Variants in CSMD2 observed in about 807,000 individuals in gnomAD.
CSMD2 encodes the protein CUB and sushi domain-containing protein 2.
In CSMD2, 130 loss-of-function variants were observed where a neutral mutation model predicts 398.5. The ratio of observed to expected loss-of-function variants is 0.33; its 90% CI spans 0.28 to 0.38. The LOEUF (loss-of-function observed/expected upper bound fraction) is 0.38. Among genes scored for constraint, CSMD2 ranks in the 10% least tolerant of loss-of-function variants. The pLI, the probability that CSMD2 is intolerant of heterozygous loss-of-function variation, is 1.00. For missense variants in CSMD2, 3,829 were observed against 4,764.9 expected (o/e 0.80, Z 5.78); for synonymous variants, 1,828 against 1,908.5 (o/e 0.96, Z 1.10).
chr1:34,113,996 A>T (rs1338428336), intron 1 of CSMD2, among the ~76,000 whole-genome samples: 3 of 151,982 alleles, frequency 2.0e-5, no homozygotes, highest in Admixed American at 6.5e-5. Flanking sequence ...CCTGACAGAA[A>T]CCAGAGTGCT....
rs1177320523 is a variant in CSMD2 at position 34,076,928 on chromosome 1, AATATATATATAT to A, written c.404+12037_404+12048del. The stretch of plus-strand genomic sequence containing the variant: ...GCAAAGCAAAAAAAAAAAAAAAAAA[AATATATATATAT>A]ATATATATATATATATAGAAGGCTT... On this transcript the variant is annotated intron_variant, in intron 2 of 70. Coordinates refer to ENST00000373381, the MANE Select transcript of CSMD2 (RefSeq NM_001281956.2). 1.1e-3 allele frequency among the ~76,000 whole-genome samples: 60 copies of A among 53,570 alleles called. 1 individual carries two copies. The highest frequency in any genetic ancestry group is 4.6e-3 in the African/African-American group (53 of 11,562). 35.1% of individuals were successfully genotyped at this position (53,570 alleles called of 152,430 possible).
chr1:33,932,952 A>C (rs1644359412), intron 4 of CSMD2, among the ~76,000 whole-genome samples: 1 of 152,186 alleles, frequency 6.6e-6, no homozygotes, highest in South Asian at 2.1e-4. Flanking sequence ...GAGAAAGAAG[A>C]GAGGGTACAA....
intron 42 of CSMD2, 22 bp from the exon 43 acceptor site, chr1:33,602,568 CG>C: frequency 6.4e-7 from 1 of 1,566,088 alleles, no homozygotes; most frequent in Non-Finnish European, 8.7e-7. Flanking sequence ...GGAACACAAA[CG>C]TAAGTGCAGG....
chr1:33,659,836 C>T lies in CSMD2; in HGVS notation c.4256-1699G>A, dbSNP rs532270225. On this transcript the variant is annotated intron_variant, in intron 26 of 70. Transcript: ENST00000373381. The stretch of plus-strand genomic sequence containing the variant: ...GAAGCATACAGCAAACTATGGCCCA[C>T]GGCCATATCTGGGCCTATGCCTATT... Among the ~76,000 whole-genome samples, 26 of 152,364 alleles carry T rather than the reference C, an allele frequency of 1.7e-4. 1 individual carries two copies. The South Asian group carries it at 2.9e-3, about 17-fold the overall frequency.
chr1:33,611,969 G>A (rs951716987), intron 40 of CSMD2, among the ~76,000 whole-genome samples: 3 of 152,170 alleles, frequency 2.0e-5, no homozygotes, highest in African/African-American at 7.2e-5. Context: ...AGCCCATATT[G>A]CATTGATAAT....
At chr1:34,121,449 T>C (rs1380281450) in intron 1 of CSMD2, among the ~76,000 whole-genome samples, 1 of 152,212 alleles carries the variant, frequency 6.6e-6, no homozygotes, top group African/African-American at 2.4e-5. Context: ...CAAGAGACTC[T>C]ACCTGTTAGA....
At chr1:33,785,369 A>AT (rs1172110683) in intron 12 of CSMD2, among the ~76,000 whole-genome samples, 1 of 152,194 alleles carries the variant, frequency 6.6e-6, no homozygotes, top group Non-Finnish European at 1.5e-5. Flanking sequence ...AAATTATGTA[A>AT]CCTTGGGAGG....
In CSMD2 at chr1:33,725,085, A is replaced by G. The variant is rs12726670; in HGVS notation, c.2695+264T>C. 9.4e-3 allele frequency among the ~76,000 whole-genome samples: 1,434 copies of G among 152,322 alleles called. 13 individuals are homozygous for G. Among genetic ancestry groups the G allele is most frequent in the Admixed American group, 0.015 (230 of 15,306 alleles). Reference sequence around the variant, plus strand: ...CAAATGTTCTGATCCCAGAGTGCCCAGCGTGGCGGCACCCAATCACCTGCC... The same window carrying G: ...CAAATGTTCTGATCCCAGAGTGCCCGGCGTGGCGGCACCCAATCACCTGCC... On this transcript the variant is annotated intron_variant, in intron 17 of 70. Transcript: ENST00000373381.
intron 15 of CSMD2, among the ~76,000 whole-genome samples, chr1:33,729,961 C>A (rs1646668994): frequency 6.6e-6 from 1 of 152,112 alleles, no homozygotes. Flanking sequence ...AGAACTCTCC[C>A]AAAGATACAC....
chr1:33,710,301 C>T (rs1557769211), intron 21 of CSMD2, among the ~76,000 whole-genome samples: 1 of 152,202 alleles, frequency 6.6e-6, no homozygotes, highest in South Asian at 2.1e-4. Flanking sequence ...TCCTGTGTCC[C>T]CCACCTAAAC....
intron 9 of CSMD2, 56 bp downstream of exon 9, chr1:33,819,657 G>GCCTC: frequency 1.3e-6 from 2 of 1,554,504 alleles, no homozygotes; most frequent in Non-Finnish European, 1.8e-6. Flanking sequence ...CTGGGCTTCA[G>GCCTC]CCTCCAGGCT....
At chr1:33,887,300 AAAC>A (rs1307695232) in intron 5 of CSMD2, among the ~76,000 whole-genome samples, 1 of 152,182 alleles carries the variant, frequency 6.6e-6, no homozygotes, top group Non-Finnish European at 1.5e-5. Context: ...TTTATAACAT[AAAC>A]AACGAGGAAC....
At chr1:33,761,965 C>A (rs1239128713) in intron 13 of CSMD2, among the ~76,000 whole-genome samples, 1 of 152,120 alleles carries the variant, frequency 6.6e-6, no homozygotes, top group Non-Finnish European at 1.5e-5. Flanking sequence ...TCTGAACCCA[C>A]CTCCCCTGAG....
intron 4 of CSMD2, among the ~76,000 whole-genome samples, chr1:33,928,228 C>T (rs1182235811): frequency 6.6e-6 from 1 of 152,230 alleles, no homozygotes; most frequent in Non-Finnish European, 1.5e-5. Flanking sequence ...CCACCACTCT[C>T]AAGCTGTGTA....
At chr1:33,782,899 G>T (rs1473742297) in intron 12 of CSMD2, among the ~76,000 whole-genome samples, 2 of 152,048 alleles carry the variant, frequency 1.3e-5, no homozygotes, top group Non-Finnish European at 2.9e-5. Context: ...AACTAGGGGG[G>T]AATTGTGCCA....
chr1:33,912,324 G>A lies in CSMD2; in HGVS notation c.920+5770C>T, dbSNP rs530057994. Among the ~76,000 whole-genome samples the A allele has an allele frequency of 3.2e-4, 49 of 152,088 alleles. 1 individual carries two copies. Among genetic ancestry groups the A allele is most frequent in the African/African-American group, 9.2e-4 (38 of 41,496 alleles). Reference sequence around the variant, plus strand: ...AACTAACCCACAGAGTCACAGCCAAGGAAATTGGAGGGGCAGAGGTTTGTT... The same window carrying A: ...AACTAACCCACAGAGTCACAGCCAAAGAAATTGGAGGGGCAGAGGTTTGTT... On this transcript the variant is annotated intron_variant, in intron 5 of 70. Transcript: ENST00000373381.
chr1:33,788,550 C>T (rs377522739), intron 12 of CSMD2, 50 bp downstream of exon 12: 159 of 1,027,490 alleles, frequency 1.5e-4, no homozygotes, highest in Non-Finnish European at 2.1e-4. Context: ...ATCCAGACCC[C>T]GTCTCTGACT....
At chr1:33,964,337 T>C (rs2125404609) in intron 3 of CSMD2, among the ~76,000 whole-genome samples, 1 of 152,312 alleles carries the variant, frequency 6.6e-6, no homozygotes, top group East Asian at 1.9e-4. Flanking sequence ...ACATAGAATG[T>C]ACTTAAATCA....
chr1:33,815,275 TTCTC>T (rs903135242), intron 9 of CSMD2: 17 of 152,170 alleles, frequency 1.1e-4, no homozygotes, highest in African/African-American at 4.1e-4. Flanking sequence ...CTACTGATCT[TTCTC>T]TCTTTGTGAA....
Sources: allele counts gnomAD v4.1 joint callset (sites outside exome capture counted in the v4.1 genomes callset), GRCh38; gene constraint gnomAD v4.1.1; transcripts MANE v1.5; gene names NCBI Gene and HGNC (gene_info 2026-07-23, HGNC 2026-07-21).